The following AGBL1 variants were observed in gnomAD, a reference collection of about 807,000 sequenced individuals.
AGBL1 encodes cytosolic carboxypeptidase 4.
AGBL1 carries 130 observed loss-of-function variants against 118.9 expected under a neutral mutation model. The ratio of observed to expected loss-of-function variants is 1.09; its 90% confidence interval spans 0.95 to 1.26. The LOEUF is 1.26. AGBL1 is among the 50% of genes most tolerant of loss of function. The probability of loss-of-function intolerance (pLI) is 0.00; values close to 1 mark genes in which losing one functional copy is unlikely to be tolerated. For missense variants in AGBL1, 1,584 were observed against 1,298.1 expected (o/e 1.22, Z -3.38); for synonymous variants, 555 against 478.9 (o/e 1.16, Z -2.08).
chr15:86,515,629 T>C (rs540610001), intron 18 of AGBL1, among the ~76,000 whole-genome samples: 142 of 152,334 alleles, frequency 9.3e-4, no homozygotes, highest in Non-Finnish European at 1.5e-3. Flanking sequence ...TACTAAATAA[T>C]GTTATGTTGT....
At chr15:86,956,287 TGATATA>T (rs1459417976) in intron 23 of AGBL1, among the ~76,000 whole-genome samples, 1 of 151,732 alleles carries the variant, frequency 6.6e-6, no homozygotes, top group Non-Finnish European at 1.5e-5. Flanking sequence ...AGATGATGGA[TGATATA>T]GATAGATATA....
intron 23 of AGBL1, among the ~76,000 whole-genome samples, chr15:86,926,284 A>C (rs556604480): frequency 3.3e-5 from 5 of 152,198 alleles, no homozygotes; most frequent in Non-Finnish European, 7.3e-5. Flanking sequence ...ACTTCGTCTT[A>C]CATTATCCTC....
At position 86,143,819 on chromosome 15, in the gene AGBL1, G is replaced by A. The variant is rs80332650; in HGVS notation, c.236G>A (p.Arg79Gln). The stretch of plus-strand genomic sequence containing the variant: ...TATGACATCCTCCTGCCTCTCTTCC[G>A]GCTGCTGGCCAAAGTTGGCCTAAGA... ...PDYDILLPLFRLLAKVGLRDK... is the reference protein window; with the variant it reads ...PDYDILLPLFQLLAKVGLRDK... The change falls in exon 3 of 23, where the codon CGG becomes CAG. Residue 79 changes from arginine (R) to glutamine (Q), a missense_variant. Physicochemically the swap from Arg to Gln is conservative, Grantham distance 43. Coordinates refer to ENST00000614907, the MANE Select transcript of AGBL1 (RefSeq NM_001386094.1). 751 of 1,613,752 alleles carry A rather than the reference G, an allele frequency of 4.7e-4. 6 individuals carry two copies. The East Asian group carries it at 0.012, about 26-fold the overall frequency.
intron 23 of AGBL1, among the ~76,000 whole-genome samples, chr15:86,925,173 G>A (rs376993585): frequency 0.62 from 78,717 of 126,874 alleles, 23,825 homozygotes; most frequent in South Asian, 0.7. Context: ...AGGAGGAAGA[G>A]GAAGAGGAAG....
At chr15:86,572,553 G>A (rs2084025523) in intron 21 of AGBL1, among the ~76,000 whole-genome samples, 1 of 152,300 alleles carries the variant, frequency 6.6e-6, no homozygotes, top group Admixed American at 6.5e-5. Flanking sequence ...TGCCTGCACC[G>A]TTCCCGCAGT....
intron 3 of AGBL1, among the ~76,000 whole-genome samples, chr15:86,150,201 C>T (rs1186993778): frequency 2.6e-5 from 4 of 152,314 alleles, no homozygotes; most frequent in Middle Eastern, 3.4e-3. Context: ...AACACCCTAA[C>T]ATCACAACTA....
At chr15:86,535,829 G>C (rs1325497672) in intron 19 of AGBL1, among the ~76,000 whole-genome samples, 1 of 152,172 alleles carries the variant, frequency 6.6e-6, no homozygotes, top group Non-Finnish European at 1.5e-5. Context: ...TTGTCGCCAA[G>C]GGCCTCAAGA....
chr15:86,639,675 T>G (rs1359119467), intron 21 of AGBL1, among the ~76,000 whole-genome samples: 1 of 152,102 alleles, frequency 6.6e-6, no homozygotes, highest in Non-Finnish European at 1.5e-5. Context: ...AGATGACAAA[T>G]GTCCACTGAC....
intron 19 of AGBL1, among the ~76,000 whole-genome samples, chr15:86,538,818 A>C (rs1028717959): frequency 1.3e-5 from 2 of 152,208 alleles, no homozygotes; most frequent in African/African-American, 4.8e-5. Flanking sequence ...AGCCCTGGGG[A>C]AAAGGGGAAC....
chr15:86,332,546 T>C (rs2080288378), intron 17 of AGBL1, among the ~76,000 whole-genome samples: 1 of 150,226 alleles, frequency 6.7e-6, no homozygotes, highest in African/African-American at 2.5e-5. Flanking sequence ...CTCAGGAGAC[T>C]GAGGCAGGAG....
At chr15:86,279,223 C>T (rs965140288) in intron 15 of AGBL1, among the ~76,000 whole-genome samples, 2 of 152,146 alleles carry the variant, frequency 1.3e-5, no homozygotes, top group African/African-American at 4.8e-5. Context: ...GGAGTTGAAT[C>T]CTATGTGGTC....
At chr15:86,677,659 C>A (rs544827152) in intron 22 of AGBL1, among the ~76,000 whole-genome samples, 3 of 152,326 alleles carry the variant, frequency 2.0e-5, no homozygotes, top group South Asian at 4.1e-4. Context: ...AGCTTCAGAG[C>A]TGTGCCTCAG....
intron 21 of AGBL1, among the ~76,000 whole-genome samples, chr15:86,568,789 G>A (rs1021611862): frequency 2.0e-5 from 3 of 152,070 alleles, no homozygotes; most frequent in African/African-American, 7.2e-5. Context: ...GAACACCCTT[G>A]GTCAAAGAGG....
intron 18 of AGBL1, among the ~76,000 whole-genome samples, chr15:86,439,707 C>T (rs990695670): frequency 1.7e-4 from 26 of 152,104 alleles, no homozygotes; most frequent in African/African-American, 6.3e-4. Context: ...AACTTGATCC[C>T]GTTGTGGTAT....
intron 16 of AGBL1, among the ~76,000 whole-genome samples, chr15:86,293,646 C>T (rs75254515): frequency 2.6e-5 from 4 of 152,162 alleles, no homozygotes; most frequent in Admixed American, 6.5e-5. Context: ...AAGGTGAGAA[C>T]GTGAACATCT....
At chr15:86,668,717 G>C (rs8042991) in intron 21 of AGBL1, among the ~76,000 whole-genome samples, 62,355 of 151,920 alleles carry the variant, frequency 0.41, 13,175 homozygotes, top group East Asian at 0.7. Flanking sequence ...AACAAAGACA[G>C]AGGCCCATGC....
intron 23 of AGBL1, among the ~76,000 whole-genome samples, chr15:86,983,745 G>A (rs1448772761): frequency 6.6e-6 from 1 of 152,088 alleles, no homozygotes; most frequent in Non-Finnish European, 1.5e-5. Flanking sequence ...TGTCAATATA[G>A]GTTAGTCTTC....
intron 24 of AGBL1, among the ~76,000 whole-genome samples, chr15:87,028,461 T>G (rs374034981): frequency 7.9e-5 from 12 of 151,974 alleles, no homozygotes; most frequent in East Asian, 3.9e-4. Context: ...AATAATACTT[T>G]AAGTGTAGTG....
chr15:86,837,426 C>A (rs922171718), intron 22 of AGBL1, among the ~76,000 whole-genome samples: 1 of 152,102 alleles, frequency 6.6e-6, no homozygotes. Flanking sequence ...TTGGCTCACC[C>A]CCTATTTTTA....
Sources: allele counts gnomAD v4.1 joint callset (sites outside exome capture counted in the v4.1 genomes callset), GRCh38; gene constraint gnomAD v4.1.1; transcripts MANE v1.5; gene names NCBI Gene and HGNC (gene_info 2026-07-23, HGNC 2026-07-21).